GRIK4: variants seen among roughly 807,000 people sequenced by gnomAD.
GRIK4 encodes the protein glutamate receptor ionotropic, kainate 4.
GRIK4 carries 40 observed loss-of-function variants against 104.9 expected under a neutral mutation model. That is an observed-to-expected ratio of 0.38 (90% CI 0.30 to 0.50). The LOEUF is 0.50. GRIK4 is among the 20% of genes least tolerant of loss of function. The probability of loss-of-function intolerance (pLI) is 0.93; values close to 1 mark genes in which losing one functional copy is unlikely to be tolerated. For missense variants in GRIK4, 1,047 were observed against 1,308.1 expected (o/e 0.80, Z 3.08); for synonymous variants, 485 against 524.9 (o/e 0.92, Z 1.04).
chr11:120,827,625 C>T (rs975281522), intron 6 of GRIK4, among the ~76,000 whole-genome samples: 3 of 152,228 alleles, frequency 2.0e-5, no homozygotes, highest in African/African-American at 4.8e-5. Context: ...TGCCAAACTG[C>T]CCTGAAAACT....
intron 1 of GRIK4, among the ~76,000 whole-genome samples, chr11:120,583,716 G>A (rs1323375090): frequency 1.3e-5 from 2 of 152,178 alleles, no homozygotes; most frequent in Non-Finnish European, 2.9e-5. Flanking sequence ...GGTTGCATAT[G>A]AATTTTAAAA....
chr11:120,823,813 C>A (rs112891502), intron 6 of GRIK4, among the ~76,000 whole-genome samples: 3 of 152,216 alleles, frequency 2.0e-5, no homozygotes, highest in Non-Finnish European at 2.9e-5. Context: ...CACATCCCAG[C>A]GGACTTGGCA....
intron 3 of GRIK4, among the ~76,000 whole-genome samples, chr11:120,797,528 GCC>G (rs1424839186): frequency 6.6e-6 from 1 of 152,200 alleles, no homozygotes; most frequent in Non-Finnish European, 1.5e-5. Flanking sequence ...GAGTGCCTGA[GCC>G]TCCACCTTGT....
intron 7 of GRIK4, among the ~76,000 whole-genome samples, chr11:120,836,480 C>T (rs1176771778): frequency 1.3e-5 from 2 of 152,148 alleles, no homozygotes; most frequent in Non-Finnish European, 2.9e-5. Context: ...CCCTAAAAGT[C>T]ATTTTGGTTT....
chr11:120,808,909 G>A (rs935620175), intron 4 of GRIK4, among the ~76,000 whole-genome samples: 1 of 152,040 alleles, frequency 6.6e-6, no homozygotes, highest in Non-Finnish European at 1.5e-5. Context: ...AGCCCCGTGG[G>A]GCCAGGGTTG....
At position 120,819,499 on chromosome 11, in the gene GRIK4, C is replaced by G. The variant is rs1048291293; in HGVS notation, c.346-256C>G. Reference sequence around the variant, plus strand: ...GGACCACAGACCCCAGCTTGCAGACCCACGGTGCATTCATCCGGGTCTCTG... The same window carrying G: ...GGACCACAGACCCCAGCTTGCAGACGCACGGTGCATTCATCCGGGTCTCTG... On this transcript the variant is annotated intron_variant, in intron 5 of 20. Transcript: ENST00000527524. The surrounding 1 kb of genome is among the most constrained non-coding windows in gnomAD (Gnocchi z 4.3). 6.6e-6 allele frequency among the ~76,000 whole-genome samples: 1 copy of G among 152,144 alleles called. No homozygotes were observed. The highest frequency in any genetic ancestry group is 1.5e-5 in the Non-Finnish European group (1 of 68,038).
Position 120,905,201 on chromosome 11 carries a change from C to T in GRIK4, c.1273-89C>T, listed in dbSNP as rs1423413238. ...TCCTCCTTCTGCCCCATGTCCTCCC[C>T]GACCCTCTGTGCCCCTGGCCCTCCC... On this transcript the variant is annotated intron_variant, in intron 12 of 20. Transcript: ENST00000527524. The surrounding 1 kb of genome is among the most constrained non-coding windows in gnomAD (Gnocchi z 5.1). 14 of 941,552 alleles carry T rather than the reference C, an allele frequency of 1.5e-5. No individual in the cohort carries two copies. Among genetic ancestry groups the T allele is most frequent in the Non-Finnish European group, 2.3e-5 (13 of 577,416 alleles). The allele number at this position is 941,552 out of a possible 1,614,324, so 58.3% of individuals were successfully genotyped here.
At chr11:120,853,386 G>A (rs1954020063) in intron 8 of GRIK4, among the ~76,000 whole-genome samples, 1 of 152,220 alleles carries the variant, frequency 6.6e-6, no homozygotes, top group Non-Finnish European at 1.5e-5. Context: ...ACTTGGAGAA[G>A]TGCAAGACTA....
intron 1 of GRIK4, among the ~76,000 whole-genome samples, chr11:120,526,930 G>A (rs1367187018): frequency 2.0e-5 from 3 of 152,276 alleles, no homozygotes; most frequent in African/African-American, 7.2e-5. Context: ...TCACTTGACA[G>A]TGTCCAAGAG....
intron 1 of GRIK4, among the ~76,000 whole-genome samples, chr11:120,600,134 G>C (rs11217922): frequency 0.069 from 10,466 of 152,200 alleles, 1,180 homozygotes; most frequent in African/African-American, 0.24. Context: ...GTGTGTTTGG[G>C]GAAAGGGAAA....
chr11:120,798,609 A>G (rs1171951108), intron 3 of GRIK4, among the ~76,000 whole-genome samples: 1 of 152,114 alleles, frequency 6.6e-6, no homozygotes, highest in African/African-American at 2.4e-5. Context: ...CCTCCCCAGT[A>G]GCTGGGATTA....
chr11:120,663,050 G>T (rs548125764), intron 3 of GRIK4, among the ~76,000 whole-genome samples: 1 of 152,284 alleles, frequency 6.6e-6, no homozygotes, highest in South Asian at 2.1e-4. Context: ...GAGGCTGGCT[G>T]CATAAATTCC....
At chr11:120,739,074 G>C (rs1951279508) in intron 3 of GRIK4, among the ~76,000 whole-genome samples, 1 of 152,174 alleles carries the variant, frequency 6.6e-6, no homozygotes, top group Non-Finnish European at 1.5e-5. Flanking sequence ...AGCATTTGTA[G>C]CCCTTGGTCC....
At chr11:120,787,725 A>G (rs886328831) in intron 3 of GRIK4, among the ~76,000 whole-genome samples, 1 of 152,004 alleles carries the variant, frequency 6.6e-6, no homozygotes, top group African/African-American at 2.4e-5. Context: ...GGCCTCCCAA[A>G]GTGCTGGGAT....
intron 1 of GRIK4, among the ~76,000 whole-genome samples, chr11:120,626,450 A>G (rs950263355): frequency 6.6e-6 from 1 of 152,140 alleles, no homozygotes; most frequent in African/African-American, 2.4e-5. Flanking sequence ...TAGACGAGAG[A>G]GTGGCATGTC....
In GRIK4 at chr11:120,753,443, C is replaced by T. The variant is rs554198814; in HGVS notation, c.83-49250C>T. On this transcript the variant is annotated intron_variant, in intron 3 of 20. Transcript: ENST00000527524. ...CTACCTTTGTCACTCATTGGCTGAGCGGCCTCAGACAAGCAATTTAAGTGA... is the reference window on the plus strand; with the variant it reads ...CTACCTTTGTCACTCATTGGCTGAGTGGCCTCAGACAAGCAATTTAAGTGA... Among the ~76,000 whole-genome samples the T allele has an allele frequency of 9.2e-5, 14 of 152,026 alleles. No individual in the cohort carries two copies. In the South Asian group the frequency reaches 2.1e-3, roughly 23 times the overall value.
At chr11:120,822,887 T>C (rs1305374952) in intron 6 of GRIK4, among the ~76,000 whole-genome samples, 2 of 152,216 alleles carry the variant, frequency 1.3e-5, no homozygotes, top group East Asian at 3.8e-4. Context: ...AGTTTGACCA[T>C]GAGCCAAAAA....
At chr11:120,756,554 T>C (rs1951654664) in intron 3 of GRIK4, among the ~76,000 whole-genome samples, 1 of 152,218 alleles carries the variant, frequency 6.6e-6, no homozygotes, top group Non-Finnish European at 1.5e-5. Context: ...CCATGAGCCA[T>C]ACTGGACTCC....
intron 13 of GRIK4, among the ~76,000 whole-genome samples, chr11:120,910,084 G>A (rs1416597164): frequency 6.6e-6 from 1 of 152,160 alleles, no homozygotes; most frequent in Admixed American, 6.5e-5. Context: ...TCTCTATCTT[G>A]TGCACTCACT....
Sources: gnomAD v4.1 joint callset for allele counts (sites outside exome capture counted in the v4.1 genomes callset) on GRCh38, gnomAD v4.1.1 for gene constraint, Gnocchi (gnomAD v3.1) non-coding constraint, MANE v1.5 for transcripts, NCBI Gene and HGNC (gene_info 2026-07-23, HGNC 2026-07-21) for gene names.